Variants in NR3C2 observed in about 807,000 individuals in gnomAD.
The protein encoded by NR3C2 is nuclear receptor subfamily 3 group C member 2.
In NR3C2, 15 loss-of-function variants were observed where a neutral mutation model predicts 86.4. That is an observed-to-expected ratio of 0.17 (90% CI 0.12 to 0.27). The LOEUF (loss-of-function observed/expected upper bound fraction) is 0.27. NR3C2 is among the 10% of genes least tolerant of loss of function. The probability of loss-of-function intolerance (pLI) is 1.00; values close to 1 mark genes in which losing one functional copy is unlikely to be tolerated. For synonymous variants in NR3C2, 458 were observed against 450.5 expected (o/e 1.02, Z -0.21); for missense variants, 960 against 1,195.6 (o/e 0.80, Z 2.91).
At chr4:148,220,810 A>G (rs549049350) in intron 3 of NR3C2, among the ~76,000 whole-genome samples, 1 of 152,324 alleles carries the variant, frequency 6.6e-6, no homozygotes, top group South Asian at 2.1e-4. Context: ...AAAGAAAAAA[A>G]GAGAAAACAT....
intron 8 of NR3C2, among the ~76,000 whole-genome samples, chr4:148,082,253 A>T (rs1250178348): frequency 6.6e-6 from 1 of 151,584 alleles, no homozygotes; most frequent in Non-Finnish European, 1.5e-5. Flanking sequence ...CTACTTTATT[A>T]AAAAAAAATT....
intron 6 of NR3C2, among the ~76,000 whole-genome samples, chr4:148,122,994 T>C (rs1043244769): frequency 5.3e-5 from 8 of 152,214 alleles, no homozygotes; most frequent in Non-Finnish European, 1.0e-4. Flanking sequence ...GCCATATTTT[T>C]CTTCTTGCAG....
intron 2 of NR3C2, among the ~76,000 whole-genome samples, chr4:148,286,141 T>A (rs1338468068): frequency 4.6e-5 from 7 of 152,218 alleles, no homozygotes; most frequent in Non-Finnish European, 1.0e-4. Context: ...CCTGGGTGTG[T>A]GGCACAAATC....
rs191098788 is a variant in NR3C2 at position 148,226,563 on chromosome 4, A to T, written c.1898-31701T>A. Among the ~76,000 whole-genome samples, 461 of 152,254 alleles carry T rather than the reference A, an allele frequency of 3.0e-3. 2 individuals carry two copies. Among genetic ancestry groups the T allele is most frequent in the Non-Finnish European group, 4.0e-3 (274 of 68,006 alleles). On this transcript the variant is annotated intron_variant, in intron 3 of 8. Transcript: ENST00000358102. Reference sequence around the variant, plus strand: ...TGGACATGTGTATTCATGTTCCTGGATAAATACCTGGGAGTGGAATTCCTG... The same window carrying T: ...TGGACATGTGTATTCATGTTCCTGGTTAAATACCTGGGAGTGGAATTCCTG...
At chr4:148,177,752 T>C (rs1171070723) in intron 4 of NR3C2, among the ~76,000 whole-genome samples, 1 of 152,162 alleles carries the variant, frequency 6.6e-6, no homozygotes, top group Admixed American at 6.5e-5. Flanking sequence ...TATTAACCTA[T>C]GATGCTTGGT....
At chr4:148,082,177 C>T (rs1030408010) in intron 8 of NR3C2, among the ~76,000 whole-genome samples, 5 of 152,224 alleles carry the variant, frequency 3.3e-5, no homozygotes, top group Non-Finnish European at 7.3e-5. Context: ...GGGGTGTCCC[C>T]CTAGCTCATT....
At chr4:148,273,511 T>C (rs1366035484) in intron 2 of NR3C2, among the ~76,000 whole-genome samples, 1 of 152,208 alleles carries the variant, frequency 6.6e-6, no homozygotes, top group East Asian at 1.9e-4. Context: ...AGGGATCAGA[T>C]GGCATGTTGG....
chr4:148,351,917 G>T (rs1170532524), intron 2 of NR3C2, among the ~76,000 whole-genome samples: 1 of 152,084 alleles, frequency 6.6e-6, no homozygotes, highest in East Asian at 1.9e-4. Context: ...GGCTGGTTAT[G>T]TGGAAACACC....
At chr4:148,259,866 T>C (rs1740009495) in intron 3 of NR3C2, 112 bp downstream of exon 3, 2 of 1,389,330 alleles carry the variant, frequency 1.4e-6, no homozygotes, top group East Asian at 4.6e-5. Flanking sequence ...CACTGACAGA[T>C]TAAATCAAAA....
chr4:148,248,388 C>G (rs1739418065), intron 3 of NR3C2, among the ~76,000 whole-genome samples: 1 of 152,150 alleles, frequency 6.6e-6, no homozygotes, highest in African/African-American at 2.4e-5. Context: ...GAAAAATGAC[C>G]AACCTAGACT....
intron 8 of NR3C2, among the ~76,000 whole-genome samples, chr4:148,092,672 A>G (rs1212327878): frequency 6.6e-6 from 1 of 151,998 alleles, no homozygotes; most frequent in African/African-American, 2.4e-5. Flanking sequence ...ATATTGCAAA[A>G]CTCAATACAT....
At chr4:148,138,978 A>T (rs1442684457) in intron 6 of NR3C2, among the ~76,000 whole-genome samples, 3 of 152,178 alleles carry the variant, frequency 2.0e-5, no homozygotes, top group Non-Finnish European at 4.4e-5. Context: ...TTCTACCATG[A>T]GATGATGCGG....
rs1750063844 is a variant in NR3C2, at chr4:148,436,268, A to G, written c.593T>C (p.Leu198Pro). ...HEKSPSVCSP[L>P]NMTSSVCSPA... ...GCTGCAAACCGAAGATGTCATGTTC[A>G]GAGGGCTGCAAACAGACGGGCTTTT... is the stretch of plus-strand genomic sequence containing the variant. Residue 198 changes from leucine (L) to proline (P), a missense_variant, in exon 2 of 9, where the codon CTG becomes CCG. Physicochemically the swap from Leu to Pro is moderately conservative, Grantham distance 98. Around this residue, in one of 4 missense-constraint regions of NR3C2, gnomAD observed 680 missense variants for 719.0 expected, o/e 0.95. Coordinates refer to ENST00000358102, the MANE Select transcript of NR3C2 (RefSeq NM_000901.5). 6.2e-7 allele frequency: 1 copy of G among 1,614,072 alleles called. No homozygotes were observed. Among genetic ancestry groups the G allele is most frequent in the South Asian group, 1.1e-5 (1 of 91,086 alleles).
intron 2 of NR3C2, among the ~76,000 whole-genome samples, chr4:148,332,723 A>G (rs1280382714): frequency 3.3e-5 from 5 of 152,226 alleles, no homozygotes; most frequent in Non-Finnish European, 7.3e-5. Context: ...TGTTACAAAG[A>G]GCACATGGTG....
intron 2 of NR3C2, among the ~76,000 whole-genome samples, chr4:148,383,937 G>A (rs1747129695): frequency 7.3e-6 from 1 of 136,712 alleles, no homozygotes; most frequent in Non-Finnish European, 1.5e-5. Context: ...GGCACAGCGA[G>A]ACTCTGTCTC....
intron 2 of NR3C2, among the ~76,000 whole-genome samples, chr4:148,357,583 A>G (rs1340005973): frequency 1.3e-5 from 2 of 152,212 alleles, no homozygotes; most frequent in African/African-American, 4.8e-5. Context: ...TTTCTGTGAT[A>G]TCGAAAACTT....
At chr4:148,428,183 G>A (rs1560729902) in intron 2 of NR3C2, among the ~76,000 whole-genome samples, 1 of 152,196 alleles carries the variant, frequency 6.6e-6, no homozygotes, top group Non-Finnish European at 1.5e-5. Context: ...AGAGCTGGGA[G>A]TAGAATCCTG....
intron 8 of NR3C2, among the ~76,000 whole-genome samples, chr4:148,093,707 T>G (rs911835928): frequency 2.0e-5 from 3 of 152,204 alleles, no homozygotes; most frequent in Non-Finnish European, 4.4e-5. Flanking sequence ...GTCCAGGTGT[T>G]CCAGAAATAG....
chr4:148,412,381 A>C (rs1050221053), intron 2 of NR3C2, among the ~76,000 whole-genome samples: 13 of 152,202 alleles, frequency 8.5e-5, no homozygotes, highest in Non-Finnish European at 1.9e-4. Flanking sequence ...AAATTTCAGA[A>C]GACTGAAACT....
Sources: allele counts gnomAD v4.1 joint callset (sites outside exome capture counted in the v4.1 genomes callset), GRCh38; gene constraint gnomAD v4.1.1; regional missense constraint gnomAD v4.1.1; transcripts MANE v1.5; gene names NCBI Gene and HGNC (gene_info 2026-07-23, HGNC 2026-07-21).